Variants in CNTNAP2 observed in about 807,000 individuals in gnomAD.
CNTNAP2 encodes the protein contactin-associated protein-like 2.
A neutral mutation model predicts 155.2 loss-of-function variants in CNTNAP2; 98 were observed. The observed-to-expected ratio is 0.63, with a 90% CI of 0.54 to 0.75. CNTNAP2 has a LOEUF of 0.75. Among genes scored for constraint, CNTNAP2 ranks in the 30% least tolerant of loss-of-function variants. The probability of loss-of-function intolerance (pLI) is 0.00; values close to 1 mark genes in which losing one functional copy is unlikely to be tolerated. For missense variants in CNTNAP2, 1,727 were observed against 1,688.1 expected (o/e 1.02, Z -0.40); for synonymous variants, 651 against 631.2 (o/e 1.03, Z -0.47).
rs548075125 is a variant in CNTNAP2 at position 146,350,645 on chromosome 7, T to G, written c.97+233672T>G. Among the ~76,000 whole-genome samples, 1,515 of 152,006 alleles carry G rather than the reference T, an allele frequency of 1.0e-2. 13 individuals carry two copies. The highest frequency in any genetic ancestry group is 0.017 in the Middle Eastern group (5 of 294). On this transcript the variant is annotated intron_variant, in intron 1 of 23. Transcript: ENST00000361727. ...GCAATTCCTCAGGGATCTAGAACTA[T>G]AAATACCATTTGACCCAGCCATCCC... is the stretch of plus-strand genomic sequence containing the variant.
intron 13 of CNTNAP2, among the ~76,000 whole-genome samples, chr7:147,744,069 G>A (rs1262425031): frequency 1.3e-5 from 2 of 152,166 alleles, no homozygotes; most frequent in Admixed American, 6.5e-5. Context: ...TGCCCATAAA[G>A]AGTTTAGCAC....
chr7:146,901,966 C>T (rs1796012426), intron 3 of CNTNAP2, among the ~76,000 whole-genome samples: 1 of 149,952 alleles, frequency 6.7e-6, no homozygotes, highest in African/African-American at 2.5e-5. Context: ...AGCTCCGCCT[C>T]CCGGGTTCAC....
At chr7:146,927,446 T>C (rs1796630459) in intron 3 of CNTNAP2, among the ~76,000 whole-genome samples, 1 of 152,096 alleles carries the variant, frequency 6.6e-6, no homozygotes, top group African/African-American at 2.4e-5. Flanking sequence ...TATATAATGA[T>C]ATTTCCCTTG....
At chr7:146,753,429 C>T (rs1165573466) in intron 1 of CNTNAP2, among the ~76,000 whole-genome samples, 2 of 151,506 alleles carry the variant, frequency 1.3e-5, no homozygotes, top group Non-Finnish European at 2.9e-5. Flanking sequence ...TCCATGATGA[C>T]CTATTTATGT....
At position 147,600,114 on chromosome 7, in the gene CNTNAP2, T is replaced by G. The variant is rs114023761; in HGVS notation, c.1897+37857T>G. On this transcript the variant is annotated intron_variant, in intron 12 of 23. Transcript: ENST00000361727. ...ACCATGCTTTCCTCATGCAGGAAATTGGAACAGACCCTGGTCATGGGCGTG... is the reference window on the plus strand; with the variant it reads ...ACCATGCTTTCCTCATGCAGGAAATGGGAACAGACCCTGGTCATGGGCGTG... Among the ~76,000 whole-genome samples the G allele has an allele frequency of 3.5e-3, 528 of 152,316 alleles. 4 individuals carry two copies. The highest frequency in any genetic ancestry group is 0.012 in the African/African-American group (511 of 41,576).
At chr7:146,697,692 A>T (rs192214257) in intron 1 of CNTNAP2, among the ~76,000 whole-genome samples, 1 of 151,980 alleles carries the variant, frequency 6.6e-6, no homozygotes, top group Non-Finnish European at 1.5e-5. Context: ...ATTTAAAGTG[A>T]ATTTCTTGTA....
intron 20 of CNTNAP2, among the ~76,000 whole-genome samples, chr7:148,231,791 C>T (rs539085095): frequency 6.6e-6 from 1 of 152,248 alleles, no homozygotes; most frequent in African/African-American, 2.4e-5. Flanking sequence ...GAAGGGGGAA[C>T]AAAGACCCAT....
chr7:147,069,006 G>C (rs1162245745), intron 4 of CNTNAP2, among the ~76,000 whole-genome samples: 1 of 152,186 alleles, frequency 6.6e-6, no homozygotes, highest in African/African-American at 2.4e-5. Flanking sequence ...GTGGCAGAAG[G>C]CAAGGGAAAT....
intron 1 of CNTNAP2, among the ~76,000 whole-genome samples, chr7:146,579,778 G>T (rs564278782): frequency 2.6e-5 from 4 of 152,210 alleles, no homozygotes; most frequent in Admixed American, 2.6e-4. Context: ...AAAATAAGAT[G>T]TAAGTTTTGG....
intron 11 of CNTNAP2, among the ~76,000 whole-genome samples, chr7:147,533,206 G>A (rs1325591197): frequency 1.3e-5 from 2 of 152,146 alleles, no homozygotes; most frequent in African/African-American, 2.4e-5. Flanking sequence ...AAAACTAAAA[G>A]TTATCATAAA....
intron 3 of CNTNAP2, among the ~76,000 whole-genome samples, chr7:146,964,855 T>C (rs761683583): frequency 6.6e-6 from 1 of 152,108 alleles, no homozygotes; most frequent in Admixed American, 6.6e-5. Flanking sequence ...CATGGCTGAC[T>C]GTTCCAAAAA....
chr7:147,985,136 A>AAATG (rs1047141494), intron 15 of CNTNAP2, among the ~76,000 whole-genome samples: 4 of 149,666 alleles, frequency 2.7e-5, no homozygotes, highest in African/African-American at 5.0e-5. Context: ...ATAAATAAAT[A>AAATG]AATAAATAAA....
At chr7:146,192,452 G>A (rs188376797) in intron 1 of CNTNAP2, among the ~76,000 whole-genome samples, 21 of 152,266 alleles carry the variant, frequency 1.4e-4, no homozygotes, top group Non-Finnish European at 2.4e-4. Context: ...CAGCATGGAC[G>A]GGGAGGCCTC....
At chr7:147,044,475 A>T (rs1454956112) in intron 4 of CNTNAP2, among the ~76,000 whole-genome samples, 2 of 152,180 alleles carry the variant, frequency 1.3e-5, no homozygotes, top group African/African-American at 2.4e-5. Flanking sequence ...CTTCGGGTTC[A>T]CTAAGTATCT....
At chr7:147,272,912 A>G (rs1387600613) in intron 8 of CNTNAP2, among the ~76,000 whole-genome samples, 1 of 152,160 alleles carries the variant, frequency 6.6e-6, no homozygotes, top group African/African-American at 2.4e-5. Context: ...ATGTTGAGTG[A>G]AGTTATCTGA....
intron 1 of CNTNAP2, among the ~76,000 whole-genome samples, chr7:146,246,251 G>A (rs1004459396): frequency 2.0e-5 from 3 of 150,694 alleles, no homozygotes; most frequent in Non-Finnish European, 2.9e-5. Context: ...TAATACAAGA[G>A]GAGGACGCAA....
At chr7:146,334,849 A>T (rs750706070) in intron 1 of CNTNAP2, among the ~76,000 whole-genome samples, 2 of 152,070 alleles carry the variant, frequency 1.3e-5, no homozygotes, top group East Asian at 3.9e-4. Context: ...ATTATTCCTC[A>T]TTGCTTCCCT....
At chr7:147,325,634 C>G (rs1468178873) in intron 9 of CNTNAP2, among the ~76,000 whole-genome samples, 1 of 151,978 alleles carries the variant, frequency 6.6e-6, no homozygotes, top group Non-Finnish European at 1.5e-5. Flanking sequence ...GCTAAGATTC[C>G]CTAAATAATA....
At chr7:146,539,990 A>T (rs926189861) in intron 1 of CNTNAP2, among the ~76,000 whole-genome samples, 18 of 152,068 alleles carry the variant, frequency 1.2e-4, no homozygotes, top group Non-Finnish European at 2.6e-4. Context: ...AAGTCAGAGG[A>T]GGGTGTTTAC....
Sources: allele counts gnomAD v4.1 joint callset (sites outside exome capture counted in the v4.1 genomes callset), GRCh38; gene constraint gnomAD v4.1.1; transcripts MANE v1.5; gene names NCBI Gene and HGNC (gene_info 2026-07-23, HGNC 2026-07-21).